MAP7D3: variants seen among roughly 807,000 people sequenced by gnomAD.
The protein encoded by MAP7D3 is MAP7 domain-containing protein 3.
In MAP7D3, 45 loss-of-function variants were observed where a neutral mutation model predicts 62.2. That is an observed-to-expected ratio of 0.72 (90% CI 0.57 to 0.93). The LOEUF (loss-of-function observed/expected upper bound fraction) is 0.93. MAP7D3 is among the 40% of genes least tolerant of loss of function. The probability of loss-of-function intolerance (pLI) is 0.00; values close to 1 mark genes in which losing one functional copy is unlikely to be tolerated. For synonymous variants in MAP7D3, 288 were observed against 248.8 expected (o/e 1.16, Z -1.48); for missense variants, 711 against 683.1 (o/e 1.04, Z -0.45).
At chrX:136,224,399 CAA>C (rs775005222) in intron 14 of MAP7D3, among the ~76,000 whole-genome samples, 1,671 of 58,284 alleles carry the variant, frequency 0.029, 14 homozygotes, top group Middle Eastern at 0.047. Context: ...GACTCTGTCT[CAA>C]AAAAAAAAAG....
intron 4 of MAP7D3, among the ~76,000 whole-genome samples, chrX:136,242,190 C>T (rs1379779388): frequency 8.9e-6 from 1 of 112,487 alleles, no homozygotes; most frequent in Non-Finnish European, 1.9e-5. Context: ...CAATGGGCAA[C>T]ATTTGAAAAT....
At chrX:136,253,590 T>G (rs2074535032), upstream of MAP7D3, among the ~76,000 whole-genome samples, 1 of 112,525 alleles carries the variant, frequency 8.9e-6, no homozygotes, top group Non-Finnish European at 1.9e-5. Flanking sequence ...GGGCATACGT[T>G]ACTGGCATAA....
intron 9 of MAP7D3, 57 bp from the exon 10 acceptor site, chrX:136,230,650 TATAAG>T: frequency 1.1e-6 from 1 of 904,068 alleles, no homozygotes; most frequent in Non-Finnish European, 1.6e-6. Flanking sequence ...TTTCATAAAA[TATAAG>T]ATGCTATTAT....
downstream of MAP7D3, chrX:136,214,862 G>A (rs1166080023): frequency 8.9e-6 from 1 of 112,041 alleles, no homozygotes; most frequent in Non-Finnish European, 1.9e-5. Flanking sequence ...AGCAATGCGT[G>A]AGGGGAAAGC....
Position 136,236,247 on chromosome X carries a change from G to A in MAP7D3, c.733C>T (p.Arg245Cys), listed in dbSNP as rs753047239. Reference protein sequence around the residue: ...TDKEQAERKPRVTGVTNYVMQ... With the variant: ...TDKEQAERKPCVTGVTNYVMQ... ...TTTGTATTTAGAAGTAACTAACCAC[G>A]TGGCTTCCTTTCGGCTTGTTCTTTA... Residue 245 changes from arginine (R) to cysteine (C), a missense_variant, in exon 7 of 19, where the codon CGT (arginine) becomes TGT (cysteine). Physicochemically the swap from Arg to Cys is radical, Grantham distance 180. Coordinates refer to ENST00000316077, the MANE Select transcript of MAP7D3 (RefSeq NM_024597.4). 4 of 1,149,372 alleles carry A rather than the reference G, an allele frequency of 3.5e-6. No individual in the cohort carries two copies. In the South Asian group the frequency reaches 5.8e-5, roughly 17 times the overall value. 94.7% of individuals were successfully genotyped at this position (1,149,372 alleles called of 1,213,427 possible). A position where few individuals can be genotyped will look rare whatever the true frequency, so the allele number is the denominator to read the frequency against.
At chrX:136,222,293 CACAGAAAGGTTAAGTG>C in intron 15 of MAP7D3, 84 bp downstream of exon 15, 1 of 575,333 alleles carries the variant, frequency 1.7e-6, no homozygotes, top group Non-Finnish European at 2.8e-6. Context: ...AAAAACTCAG[CACAGAAAGGTTAAGTG>C]ACCTGCCCAA....
intron 5 of MAP7D3, 27 bp from the exon 6 acceptor site, chrX:136,240,513 AATC>A (rs1213961899): frequency 3.2e-6 from 3 of 951,745 alleles, no homozygotes; most frequent in Non-Finnish European, 4.5e-6. Flanking sequence ...TACTTACTGT[AATC>A]ATATTTCAAG....
chrX:136,217,571 TAG>T lies in MAP7D3; in HGVS notation c.*953_*954del. On this transcript the variant is annotated 3_prime_UTR_variant, in exon 19 of 19. Transcript: ENST00000316077. ...CTGTGTACTCACTGGCACAGATGGGTAGAGTTAAAAATATACATATATCACAG... is the reference window on the plus strand; with the variant it reads ...CTGTGTACTCACTGGCACAGATGGGTAGTTAAAAATATACATATATCACAG... 8.9e-6 allele frequency: 1 copy of T among 111,775 alleles called. No homozygotes were observed. Among genetic ancestry groups the T allele is most frequent in the Admixed American group, 9.5e-5 (1 of 10,522 alleles). 9.2% of individuals were successfully genotyped at this position (111,775 alleles called of 1,213,427 possible).
At chrX:136,234,966 T>C (rs1040005216) in intron 7 of MAP7D3, among the ~76,000 whole-genome samples, 1 of 111,929 alleles carries the variant, frequency 8.9e-6, no homozygotes, top group Non-Finnish European at 1.9e-5. Context: ...CACAAAACAC[T>C]GAACACAGTC....
At position 136,220,774 on chromosome X, in the gene MAP7D3, A is replaced by G; in HGVS notation, c.2477T>C (p.Val826Ala). Residue 826 changes from valine (V) to alanine (A), a missense_variant, in exon 16 of 19, where the codon GTA becomes GCA. By Grantham distance (64) the Val-to-Ala change is moderately conservative (BLOSUM62 0). Transcript: ENST00000316077. ...TGGCTAAGTGACTCACCTTGAAACTACTTCCTGTATTGAAGTGTCTTTCAT... is the reference window on the plus strand; with the variant it reads ...TGGCTAAGTGACTCACCTTGAAACTGCTTCCTGTATTGAAGTGTCTTTCAT... Reference protein sequence around the residue: ...KSMKDTSIQEVVSRPSSKRMT... With the variant: ...KSMKDTSIQEAVSRPSSKRMT... 1 of 1,208,005 alleles carries G rather than the reference A, an allele frequency of 8.3e-7. No homozygotes were observed. The highest frequency in any genetic ancestry group is 2.2e-5 in the Admixed American group (1 of 46,023).
intron 1 of MAP7D3, among the ~76,000 whole-genome samples, chrX:136,246,941 G>A (rs1467341943): frequency 8.9e-6 from 1 of 111,921 alleles, no homozygotes; most frequent in Non-Finnish European, 1.9e-5. Flanking sequence ...CTGCCTGCCC[G>A]CTCCCCATCA....
At chrX:136,228,447 T>C (rs2074223582) in intron 11 of MAP7D3, among the ~76,000 whole-genome samples, 176 bp downstream of exon 11, 1 of 111,694 alleles carries the variant, frequency 9.0e-6, no homozygotes, top group African/African-American at 3.3e-5. Flanking sequence ...CCAGGGTCCT[T>C]AGCCATTTAC....
rs2148404941 is a variant in MAP7D3, at chrX:136,228,648, T to C, written c.1861A>G (p.Arg621Gly). 1.7e-6 allele frequency: 2 copies of C among 1,208,047 alleles called. No individual in the cohort carries two copies. The highest frequency in any genetic ancestry group is 2.2e-6 in the Non-Finnish European group (2 of 894,019). Residue 621 changes from arginine (R) to glycine (G), a missense_variant, in exon 11 of 19, where the codon AGA (arginine) becomes GGA (glycine). Transcript: ENST00000316077. The part of the protein sequence containing the change: ...REQREKEEEE[R>G]QREEMQQRVI... ...CTTTGCTGCATTTCTTCCCGTTGTC[T>C]TTCTTCTTCCTCTTTTTCTCTTTGT...
At chrX:136,234,220 G>A (rs1374840514) in intron 7 of MAP7D3, among the ~76,000 whole-genome samples, 1 of 109,943 alleles carries the variant, frequency 9.1e-6, no homozygotes, top group Non-Finnish European at 1.9e-5. Context: ...CAATGCATTA[G>A]TCCTTTCCAT....
rs756866961 is a variant in MAP7D3 at position 136,232,055 on chromosome X, G to C, written c.902C>G (p.Ala301Gly). The change falls in exon 8 of 19, where the codon GCA (alanine) becomes GGA (glycine). Residue 301 changes from alanine to glycine, a missense_variant. Coordinates refer to ENST00000316077, the MANE Select transcript of MAP7D3 (RefSeq NM_024597.4). ...PLEKVETPPK[A>G]SVDAPPQVNV... ...CACCTGGGGGGGTGCATCCACACTT[G>C]CCTTGGGAGGTGTCTCTACTTTCTC... 3 of 1,208,127 alleles carry C rather than the reference G, an allele frequency of 2.5e-6. No individual in the cohort carries two copies. In the African/African-American group the frequency reaches 5.3e-5, roughly 21 times the overall value.
In MAP7D3 at chrX:136,218,658, A is replaced by G. The variant is rs185486300; in HGVS notation, c.*33-165T>C. Among the ~76,000 whole-genome samples, 18 of 111,270 alleles carry G rather than the reference A, an allele frequency of 1.6e-4. No individual in the cohort carries two copies. In the East Asian group the frequency reaches 4.6e-3, roughly 28 times the overall value. ...ATGTCCTTCACTTCCCCAGTCCCCA[A>G]CCAGGCCCAAGGTGCTTCTCAATTT... On this transcript the variant is annotated intron_variant, in intron 18 of 18. Coordinates refer to ENST00000316077, the MANE Select transcript of MAP7D3 (RefSeq NM_024597.4).
chrX:136,229,986 TATA>T (rs1287071570), intron 10 of MAP7D3, among the ~76,000 whole-genome samples: 3 of 62,252 alleles, frequency 4.8e-5, no homozygotes, highest in East Asian at 3.9e-4. Context: ...TATATATATA[TATA>T]TATATTTTTT....
chrX:136,229,702 G>A (rs780018918), intron 10 of MAP7D3, among the ~76,000 whole-genome samples: 9 of 20,920 alleles, frequency 4.3e-4, no homozygotes, highest in Admixed American at 2.6e-3. Context: ...CCTCTCATCC[G>A]ACCTGTGCTT....
Position 136,219,630 on chromosome X carries a change from C to A in MAP7D3, c.2528G>T (p.Arg843Ile). ...GGTGGTGTTGGTTTCATCCGCCTTT[C>A]TGGTTTTCGTTGTGTGACTGGTCAT... The part of the protein sequence containing the change: ...KRMTSHTTKT[R>I]KADETNTTSR... The change falls in exon 17 of 19, where the codon AGA (arginine) becomes ATA (isoleucine). Residue 843 changes from arginine to isoleucine, a missense_variant. Physicochemically the swap from Arg to Ile is moderately conservative, Grantham distance 97. Coordinates refer to ENST00000316077, the MANE Select transcript of MAP7D3 (RefSeq NM_024597.4). 1 of 1,208,573 alleles carries A rather than the reference C, an allele frequency of 8.3e-7. No homozygotes were observed.
Sources: gnomAD v4.1 joint callset for allele counts (sites outside exome capture counted in the v4.1 genomes callset) on GRCh38, gnomAD v4.1.1 for gene constraint, MANE v1.5 for transcripts, NCBI Gene and HGNC (gene_info 2026-07-23, HGNC 2026-07-21) for gene names.